Variants in HEXD observed in about 807,000 individuals in gnomAD.
The protein encoded by HEXD is hexosaminidase D, also known as N-acetyl-beta-galactosaminidase.
HEXD carries 47 observed loss-of-function variants against 54.2 expected under a neutral mutation model. The ratio of observed to expected loss-of-function variants is 0.87; its 90% CI spans 0.69 to 1.11. HEXD has a LOEUF of 1.11. Ranked by LOEUF, HEXD falls within the 50% of genes least tolerant of loss-of-function variation. The pLI is 0.00. For synonymous variants in HEXD, 293 were observed against 287.6 expected, an observed-to-expected ratio of 1.02 and a Z score of -0.19; for missense variants, 576 against 649.2, an observed-to-expected ratio of 0.89 and a Z score of 1.23.
Position 82,437,095 on chromosome 17 carries a change from C to A in HEXD, c.704-73C>A, listed in dbSNP as rs1307708006. On this transcript the variant is annotated intron_variant, in intron 7 of 12. Transcript: ENST00000327949. ...GCTCCCATGTTGGCTCTGGGTACAG[C>A]CCCGGGAGGCGTGTCCAGGGCCGTG... The A allele has an allele frequency of 5.9e-6, 8 of 1,350,602 alleles. No homozygotes were observed. In the East Asian group the frequency reaches 1.4e-4, roughly 24 times the overall value. The allele number at this position is 1,350,602 out of a possible 1,614,324, so 83.7% of individuals were successfully genotyped here.
At chr17:82,433,128 A>ATATATATATTTT (rs71168109) in intron 4 of HEXD, among the ~76,000 whole-genome samples, 1 of 13,074 alleles carries the variant, frequency 7.6e-5, no homozygotes, top group Non-Finnish European at 1.2e-4. Flanking sequence ...ATATATATAT[A>ATATATATATTTT]TTTTTTTTTT....
At chr17:82,435,900 T>C in intron 6 of HEXD, 28 bp downstream of exon 6, 1 of 1,587,410 alleles carries the variant, frequency 6.3e-7, no homozygotes. Flanking sequence ...GGGGAGGGGG[T>C]GGGCCACTGA....
chr17:82,431,229 C>T (rs1274133883), intron 4 of HEXD, among the ~76,000 whole-genome samples: 2 of 152,094 alleles, frequency 1.3e-5, no homozygotes, highest in East Asian at 1.9e-4. Flanking sequence ...GTCTCGAACC[C>T]CTGGCCTCAA....
intron 12 of HEXD, 63 bp downstream of exon 12, chr17:82,441,952 T>C (rs1323086261): frequency 6.6e-7 from 1 of 1,518,252 alleles, no homozygotes; most frequent in Non-Finnish European, 9.1e-7. Context: ...CTGCTGTTGC[T>C]GACATGTCCC....
intron 3 of HEXD, among the ~76,000 whole-genome samples, chr17:82,425,191 GA>G (rs754692874): frequency 1.5e-4 from 22 of 151,568 alleles, no homozygotes; most frequent in Admixed American, 1.1e-3. Flanking sequence ...GGAGGCCGGA[GA>G]AGGCTGGAGG....
Position 82,418,361 on chromosome 17 carries a change from C to T in HEXD, c.-431C>T, listed in dbSNP as rs1290900100. The T allele has an allele frequency of 6.2e-6, 8 of 1,291,042 alleles. No homozygotes were observed. The African/African-American group carries it at 1.3e-4, about 20-fold the overall frequency. The allele number at this position is 1,291,042 out of a possible 1,614,324, so 80.0% of individuals were successfully genotyped here. A position where few individuals can be genotyped will look rare whatever the true frequency, so the allele number is the denominator to read the frequency against. The stretch of plus-strand genomic sequence containing the variant: ...CCATCAGCCCCAGTCCCGCCCACTC[C>T]ATGGCCCTGTCCGCCGCCGCAGCGC... On this transcript the variant is annotated 5_prime_UTR_variant, in exon 1 of 13. Coordinates refer to ENST00000327949, the MANE Select transcript of HEXD (RefSeq NM_001330542.2).
At chr17:82,435,607 G>C (rs945773511) in intron 5 of HEXD, 82 bp from the exon 6 acceptor site, 3 of 1,433,372 alleles carry the variant, frequency 2.1e-6, no homozygotes, top group Middle Eastern at 1.9e-4. Flanking sequence ...GCCCCTCTCC[G>C]TCAGGGCACG....
Position 82,442,154 on chromosome 17 carries a change from G to T in HEXD, c.1254-23G>T, listed in dbSNP as rs370091513. ...CAAGTCCCAAGTGTGCAGACTGTGC[G>T]TTCATGGCGCCCTCACCTGCAGCCT... On this transcript the variant is annotated intron_variant, in intron 12 of 12. Transcript: ENST00000327949. The surrounding 1 kb of genome is among the most constrained non-coding windows in gnomAD (Gnocchi z 6.8). 4 of 1,587,022 alleles carry T rather than the reference G, an allele frequency of 2.5e-6. No homozygotes were observed. The highest frequency in any genetic ancestry group is 2.2e-5 in the East Asian group (1 of 44,550).
intron 8 of HEXD, chr17:82,439,325 G>A (rs754471826): frequency 5.4e-6 from 3 of 553,048 alleles, no homozygotes; most frequent in South Asian, 7.8e-5. Flanking sequence ...GTGCTGGGGG[G>A]AGGGACAACG....
chr17:82,424,535 GGCGTGAAA>G (rs2053339951), intron 3 of HEXD, 32 bp downstream of exon 3: 1 of 1,506,820 alleles, frequency 6.6e-7, no homozygotes, highest in African/African-American at 1.4e-5. Context: ...ACAGGGGCGC[GGCGTGAAA>G]GCGGGGAAGG....
At chr17:82,440,898 C>G in intron 9 of HEXD, 99 bp from the exon 10 acceptor site, 1 of 1,386,462 alleles carries the variant, frequency 7.2e-7, no homozygotes, top group Non-Finnish European at 1.0e-6. Flanking sequence ...TCCATTGCCG[C>G]CCGCCCACTG....
chr17:82,432,886 AC>A (rs2053618307), intron 4 of HEXD, among the ~76,000 whole-genome samples: 2 of 148,950 alleles, frequency 1.3e-5, no homozygotes, highest in South Asian at 2.1e-4. Flanking sequence ...ACACGGTGAA[AC>A]CCCGTCTCTA....
chr17:82,440,941 G>GC (rs1215442714), intron 9 of HEXD, 56 bp from the exon 10 acceptor site: 17 of 1,590,242 alleles, frequency 1.1e-5, no homozygotes, highest in South Asian at 2.2e-5. Context: ...TCCCAATGTA[G>GC]CCCCCTCCCC....
In HEXD at chr17:82,439,027, A is replaced by T. The variant is rs544459146; in HGVS notation, c.900-604A>T. Among the ~76,000 whole-genome samples, 47 of 152,342 alleles carry T rather than the reference A, an allele frequency of 3.1e-4. 1 individual carries two copies. The highest frequency in any genetic ancestry group is 1.1e-3 in the African/African-American group (45 of 41,588). ...GCGTCTGTCACCCACCTCACAGCTGAAGAAACTGAGGCACGGGCAGGTGGA... is the reference window on the plus strand; with the variant it reads ...GCGTCTGTCACCCACCTCACAGCTGTAGAAACTGAGGCACGGGCAGGTGGA... On this transcript the variant is annotated intron_variant, in intron 8 of 12. Transcript: ENST00000327949.
rs781087620 is a variant in HEXD, at chr17:82,437,340, C to T, written c.876C>T (p.Gly292=). The part of the protein sequence containing the change: ...AGSGPTDSLQ[G]IILTGWQRYD... ...GCGGGCCCACGGACTCACTGCAGGG[C>T]ATCATCCTGACCGGCTGGCAGAGGT... The change falls in exon 8 of 13, where the codon GGC becomes GGT. Residue 292 remains glycine (G), a synonymous_variant. Transcript: ENST00000327949. 2.5e-6 allele frequency: 4 copies of T among 1,606,090 alleles called. No individual in the cohort carries two copies. The highest frequency in any genetic ancestry group is 1.1e-5 in the South Asian group (1 of 90,388).
Position 82,437,379 on chromosome 17 carries a change from T to A in HEXD, c.899+16T>A. 2 of 1,569,982 alleles carry A rather than the reference T, an allele frequency of 1.3e-6. No individual in the cohort carries two copies. ...GCTGGCAGAGGTAAGTCCTGGCCAG[T>A]CTGTCCTCAGAGGGTCCAGGGCAGC... On this transcript the variant is annotated intron_variant, in intron 8 of 12. Coordinates refer to ENST00000327949, the MANE Select transcript of HEXD (RefSeq NM_001330542.2).
At chr17:82,437,511 G>A (rs948252105) in intron 8 of HEXD, 148 bp downstream of exon 8, 34 of 688,182 alleles carry the variant, frequency 4.9e-5, no homozygotes, top group Non-Finnish European at 7.3e-5. Flanking sequence ...AAACAGCCAC[G>A]TGGGGTTGGG....
At chr17:82,432,225 G>T (rs966935002) in intron 4 of HEXD, among the ~76,000 whole-genome samples, 8 of 152,170 alleles carry the variant, frequency 5.3e-5, no homozygotes, top group Admixed American at 3.9e-4. Flanking sequence ...ACAGGTCCCT[G>T]CACGTGTGTG....
chr17:82,441,492 G>A (rs1024097547), intron 11 of HEXD, among the ~76,000 whole-genome samples: 2 of 142,422 alleles, frequency 1.4e-5, no homozygotes, highest in Non-Finnish European at 3.0e-5. Context: ...AGGTGCAGGT[G>A]AGCAGGCAGG....
Sources: gnomAD v4.1 joint callset for allele counts (sites outside exome capture counted in the v4.1 genomes callset) on GRCh38, gnomAD v4.1.1 for gene constraint, Gnocchi (gnomAD v3.1) non-coding constraint, MANE v1.5 for transcripts, NCBI Gene and HGNC (gene_info 2026-07-23, HGNC 2026-07-21) for gene names.